Variants in TAOK1 observed in about 807,000 individuals in gnomAD.
TAOK1 encodes the protein TAO kinase 1, also known as serine/threonine-protein kinase TAO1.
Under a neutral mutation model 138.3 loss-of-function variants are expected in TAOK1, and 21 were observed. The ratio of observed to expected loss-of-function variants is 0.15; its 90% CI spans 0.11 to 0.22. TAOK1 has a LOEUF of 0.22. Ranked by LOEUF, TAOK1 falls within the 10% of genes least tolerant of loss-of-function variation. The pLI is 1.00. For synonymous variants in TAOK1, 361 were observed against 398.4 expected, an observed-to-expected ratio of 0.91 and a Z score of 1.12; for missense variants, 651 against 1,227.7, an observed-to-expected ratio of 0.53 and a Z score of 7.02.
At chr17:29,533,011 C>CG (rs1567747463) in intron 18 of TAOK1, among the ~76,000 whole-genome samples, 2 of 2,268 alleles carry the variant, frequency 8.8e-4, no homozygotes. Context: ...TCCAACCGGG[C>CG]GGGGGGCTGA....
intron 1 of TAOK1, among the ~76,000 whole-genome samples, chr17:29,397,607 C>CACCAA: frequency 1.1e-5 from 1 of 94,614 alleles, no homozygotes; most frequent in East Asian, 2.8e-4. Flanking sequence ...CGTCCCCCCC[C>CACCAA]AAAAAAATAT....
At chr17:29,392,665 T>C (rs911279009) in intron 1 of TAOK1, among the ~76,000 whole-genome samples, 1 of 152,218 alleles carries the variant, frequency 6.6e-6, no homozygotes, top group African/African-American at 2.4e-5. Flanking sequence ...TTTCAAAATA[T>C]TCCACATATG....
chr17:29,494,875 A>AAGG (rs575880719), intron 10 of TAOK1, among the ~76,000 whole-genome samples: 1 of 151,928 alleles, frequency 6.6e-6, no homozygotes, highest in Non-Finnish European at 1.5e-5. Flanking sequence ...CGTAGAACTC[A>AAGG]AGGGATGGCA....
chr17:29,453,984 CTT>C (rs757432008), intron 2 of TAOK1, among the ~76,000 whole-genome samples: 15 of 125,456 alleles, frequency 1.2e-4, no homozygotes, highest in Non-Finnish European at 1.6e-4. Flanking sequence ...AATTTTTTTG[CTT>C]TTTTTTTTTT....
intron 1 of TAOK1, among the ~76,000 whole-genome samples, chr17:29,444,836 G>T (rs1362005570): frequency 6.6e-6 from 1 of 152,092 alleles, no homozygotes; most frequent in East Asian, 1.9e-4. Context: ...GGTTGACTTT[G>T]ATTTCTTTCA....
intron 15 of TAOK1, chr17:29,511,714 T>TCTCTACAAA (rs1423767864): frequency 6.6e-6 from 1 of 152,012 alleles, no homozygotes; most frequent in African/African-American, 2.4e-5. Context: ...GGCTGATTTT[T>TCTCTACAAA]AAATTTATTT....
intron 7 of TAOK1, among the ~76,000 whole-genome samples, chr17:29,480,755 A>G (rs1167308187): frequency 6.6e-6 from 1 of 151,498 alleles, no homozygotes; most frequent in African/African-American, 2.4e-5. Context: ...CTGTAGTCCC[A>G]GCTACTTGAG....
At chr17:29,495,813 A>AT in intron 11 of TAOK1, 86 bp downstream of exon 11, 1 of 1,229,286 alleles carries the variant, frequency 8.1e-7, no homozygotes, top group Non-Finnish European at 1.1e-6. Flanking sequence ...AATTTACCTT[A>AT]TATACCAAGG....
chr17:29,488,736 A>C (rs985604492), intron 8 of TAOK1, among the ~76,000 whole-genome samples: 4 of 151,588 alleles, frequency 2.6e-5, no homozygotes, highest in Non-Finnish European at 4.4e-5. Flanking sequence ...CCATACTTCA[A>C]TTTGTCAAAG....
chr17:29,551,233 A>G lies in TAOK1; in HGVS notation c.*8211A>G, dbSNP rs2032487791. 6.6e-6 allele frequency: 1 copy of G among 152,192 alleles called. No individual in the cohort carries two copies. Among genetic ancestry groups the G allele is most frequent in the Admixed American group, 6.5e-5 (1 of 15,278 alleles). The allele number at this position is 152,192 out of a possible 1,614,324, so 9.4% of individuals were successfully genotyped here. On this transcript the variant is annotated 3_prime_UTR_variant, in exon 20 of 20. Coordinates refer to ENST00000261716, the MANE Select transcript of TAOK1 (RefSeq NM_020791.4). The stretch of plus-strand genomic sequence containing the variant: ...AGGGTTATCAGCTAACTGATATGCT[A>G]TCATTGAGGTTCATCAATGAATTTG...
At chr17:29,454,724 C>T (rs895217260) in intron 2 of TAOK1, among the ~76,000 whole-genome samples, 10 of 151,294 alleles carry the variant, frequency 6.6e-5, no homozygotes, top group East Asian at 1.9e-4. Context: ...GTTTTTGAGA[C>T]GGAGTCTCAC....
chr17:29,391,603 G>A (rs1904431052), intron 1 of TAOK1, among the ~76,000 whole-genome samples: 1 of 152,222 alleles, frequency 6.6e-6, no homozygotes, highest in Admixed American at 6.5e-5. Context: ...GGGGGAGCAG[G>A]AGAGGGAAGT....
intron 2 of TAOK1, among the ~76,000 whole-genome samples, chr17:29,456,283 T>C (rs1396040229): frequency 1.3e-5 from 2 of 149,586 alleles, no homozygotes; most frequent in African/African-American, 5.1e-5. Context: ...GTCCATGAGG[T>C]GGAGGTTGCA....
intron 1 of TAOK1, among the ~76,000 whole-genome samples, chr17:29,416,205 A>G (rs1326814837): frequency 6.6e-6 from 1 of 152,206 alleles, no homozygotes; most frequent in African/African-American, 2.4e-5. Context: ...CAGAGGTTGC[A>G]GTGAGCTGAG....
rs1387257455 is a variant in TAOK1 at position 29,502,863 on chromosome 17, G to A, written c.1338+140G>A. ...CATTTAATATTTAAGTGCCTATTAA[G>A]AGAAAGATGTTATTCAAAGAACTCT... On this transcript the variant is annotated intron_variant, in intron 13 of 19. Transcript: ENST00000261716. The A allele has an allele frequency of 4.3e-6, 4 of 924,402 alleles. No homozygotes were observed. The African/African-American group carries it at 6.8e-5, about 16-fold the overall frequency. The allele number at this position is 924,402 out of a possible 1,614,324, so 57.3% of individuals were successfully genotyped here.
At chr17:29,443,407 G>GA in intron 1 of TAOK1, among the ~76,000 whole-genome samples, 1 of 152,162 alleles carries the variant, frequency 6.6e-6, no homozygotes. Context: ...ACTTAATTCT[G>GA]AAAATCCTAC....
intron 18 of TAOK1, 109 bp from the exon 19 acceptor site, chr17:29,534,009 A>G: frequency 1.6e-6 from 2 of 1,225,116 alleles, no homozygotes; most frequent in Non-Finnish European, 2.1e-6. Flanking sequence ...TGTCTAAACT[A>G]AAAAAGAGTA....
At chr17:29,432,898 T>C (rs2153022789) in intron 1 of TAOK1, among the ~76,000 whole-genome samples, 1 of 152,254 alleles carries the variant, frequency 6.6e-6, no homozygotes, top group East Asian at 1.9e-4. Context: ...TAGTTAGGAC[T>C]GCAGGTGTTT....
intron 17 of TAOK1, among the ~76,000 whole-genome samples, chr17:29,527,600 A>T (rs1314390155): frequency 6.6e-6 from 1 of 152,224 alleles, no homozygotes; most frequent in Non-Finnish European, 1.5e-5. Flanking sequence ...ACAGAAAGGC[A>T]TATTTAATGT....
Sources: allele counts gnomAD v4.1 joint callset (sites outside exome capture counted in the v4.1 genomes callset), GRCh38; gene constraint gnomAD v4.1.1; transcripts MANE v1.5; gene names NCBI Gene and HGNC (gene_info 2026-07-23, HGNC 2026-07-21).